The following PCDH15 variants were observed in gnomAD, a reference collection of about 807,000 sequenced individuals.
PCDH15 encodes the protein protocadherin related 15, also known as protocadherin-15.
A neutral mutation model predicts 178.5 loss-of-function variants in PCDH15; 129 were observed. The observed-to-expected ratio is 0.72, with a 90% CI of 0.63 to 0.84. The LOEUF (loss-of-function observed/expected upper bound fraction) is 0.84, where lower values mean the gene tolerates loss of function less well. Ranked by LOEUF, PCDH15 falls within the 40% of genes least tolerant of loss-of-function variation. PCDH15 has a pLI of 0.00. For synonymous variants in PCDH15, 800 were observed against 732.0 expected (o/e 1.09, Z -1.50); for missense variants, 2,230 against 2,099.9 (o/e 1.06, Z -1.21).
At chr10:55,250,497 G>A (rs1592020821) in intron 1 of PCDH15, among the ~76,000 whole-genome samples, 1 of 140,490 alleles carries the variant, frequency 7.1e-6, no homozygotes, top group Non-Finnish European at 1.6e-5. Context: ...AAAAAAACTA[G>A]TCAATACCAA....
At chr10:53,863,520 CTT>C (rs1461737369) in intron 27 of PCDH15, among the ~76,000 whole-genome samples, 4 of 151,960 alleles carry the variant, frequency 2.6e-5, no homozygotes, top group Admixed American at 1.3e-4. Context: ...AGAAAACACT[CTT>C]ATGATTAGAG....
At chr10:55,071,994 A>T (rs1841759132) in intron 2 of PCDH15, among the ~76,000 whole-genome samples, 1 of 150,860 alleles carries the variant, frequency 6.6e-6, no homozygotes, top group East Asian at 1.9e-4. Context: ...CTCCTGAATG[A>T]CTACTGGGTA....
intron 14 of PCDH15, among the ~76,000 whole-genome samples, chr10:54,146,861 T>TA (rs920344695): frequency 2.7e-5 from 4 of 146,382 alleles, no homozygotes; most frequent in African/African-American, 7.5e-5. Context: ...GGTCGATCTG[T>TA]AAAAAAAATC....
chr10:54,045,234 G>A (rs184941298), intron 18 of PCDH15, among the ~76,000 whole-genome samples: 231 of 152,126 alleles, frequency 1.5e-3, no homozygotes, highest in African/African-American at 5.4e-3. Context: ...TAACCCATTT[G>A]GGAAAGGCAT....
At chr10:54,523,485 A>G (rs1158557019) in intron 3 of PCDH15, among the ~76,000 whole-genome samples, 1 of 152,278 alleles carries the variant, frequency 6.6e-6, no homozygotes, top group African/African-American at 2.4e-5. Context: ...TTTAGTATAT[A>G]TGTCAAATTT....
chr10:55,602,547 A>G (rs183342153), intron 2 of PCDH15, among the ~76,000 whole-genome samples: 5,158 of 152,168 alleles, frequency 0.034, 384 homozygotes, highest in East Asian at 0.31. Flanking sequence ...ATCTGAGAAC[A>G]GGCAGACTGC....
chr10:54,087,984 G>T (rs1345201099), intron 16 of PCDH15, among the ~76,000 whole-genome samples: 3 of 152,122 alleles, frequency 2.0e-5, no homozygotes, highest in African/African-American at 7.2e-5. Context: ...TTTGCCTTCA[G>T]TCATGACTTT....
chr10:55,158,050 A>C (rs1838942959), intron 2 of PCDH15, among the ~76,000 whole-genome samples: 1 of 140,684 alleles, frequency 7.1e-6, no homozygotes, highest in African/African-American at 2.6e-5. Flanking sequence ...TTAGATTCAA[A>C]ATCACACAAA....
intron 15 of PCDH15, among the ~76,000 whole-genome samples, chr10:54,128,054 G>C (rs2042125123): frequency 6.6e-6 from 1 of 152,262 alleles, no homozygotes; most frequent in African/African-American, 2.4e-5. Context: ...CTGGGATAGA[G>C]AGGATGAAGA....
intron 2 of PCDH15, among the ~76,000 whole-genome samples, chr10:54,654,344 A>G (rs1023745899): frequency 1.3e-5 from 2 of 151,950 alleles, no homozygotes; most frequent in African/African-American, 4.8e-5. Flanking sequence ...AAAATCAGAC[A>G]AAAGTAAAAA....
At chr10:55,137,708 A>G (rs1838236108) in intron 2 of PCDH15, among the ~76,000 whole-genome samples, 1 of 152,216 alleles carries the variant, frequency 6.6e-6, no homozygotes, top group East Asian at 1.9e-4. Context: ...AATAGCAAGT[A>G]TATACCCCTC....
intron 2 of PCDH15, among the ~76,000 whole-genome samples, chr10:55,039,360 T>A (rs1840812709): frequency 6.6e-6 from 1 of 152,030 alleles, no homozygotes; most frequent in Non-Finnish European, 1.5e-5. Context: ...AAAAAATGAA[T>A]CTTAAAATGA....
At chr10:54,304,016 T>C (rs981373787) in intron 8 of PCDH15, among the ~76,000 whole-genome samples, 3 of 150,366 alleles carry the variant, frequency 2.0e-5, no homozygotes, top group Non-Finnish European at 4.4e-5. Flanking sequence ...TGTCTGCCCA[T>C]GTTTTAGCGA....
At chr10:55,131,613 C>G (rs1387275255) in intron 2 of PCDH15, among the ~76,000 whole-genome samples, 1 of 152,102 alleles carries the variant, frequency 6.6e-6, no homozygotes, top group African/African-American at 2.4e-5. Context: ...TATTGAGTGT[C>G]ATTACAGCTC....
chr10:54,623,749 G>T (rs1210028021), intron 2 of PCDH15, among the ~76,000 whole-genome samples: 1 of 151,904 alleles, frequency 6.6e-6, no homozygotes, highest in Non-Finnish European at 1.5e-5. Flanking sequence ...TAAGATATTT[G>T]GTTTCCAAAC....
At position 54,053,165 on chromosome 10, in the gene PCDH15, C is replaced by T. The variant is rs531532410; in HGVS notation, c.2220+13592G>A. ...GAAATTCTAAAAGTGGACATATATC[C>T]AATATCAAAGCTTTTTATTTATTTG... On this transcript the variant is annotated intron_variant, in intron 18 of 37. Coordinates refer to ENST00000644397, the MANE Select transcript of PCDH15 (RefSeq NM_001384140.1). Among the ~76,000 whole-genome samples the T allele has an allele frequency of 5.3e-5, 8 of 152,104 alleles. No homozygotes were observed. In the South Asian group the frequency reaches 1.7e-3, roughly 32 times the overall value.
chr10:55,550,230 A>G (rs188534029), intron 2 of PCDH15, among the ~76,000 whole-genome samples: 1 of 152,190 alleles, frequency 6.6e-6, no homozygotes, highest in Admixed American at 6.6e-5. Context: ...TTATATTTCT[A>G]TCCTTTATTC....
intron 2 of PCDH15, among the ~76,000 whole-genome samples, chr10:55,590,991 A>G (rs1317706730): frequency 6.6e-6 from 1 of 152,082 alleles, no homozygotes; most frequent in Non-Finnish European, 1.5e-5. Flanking sequence ...ATATAATCTA[A>G]CCCAATTATC....
intron 1 of PCDH15, among the ~76,000 whole-genome samples, chr10:55,212,736 T>C (rs1840602094): frequency 6.6e-6 from 1 of 152,072 alleles, no homozygotes; most frequent in Admixed American, 6.5e-5. Context: ...AGCATAAGCC[T>C]GAAGTTCTTC....
Sources: allele counts gnomAD v4.1 joint callset (sites outside exome capture counted in the v4.1 genomes callset), GRCh38; gene constraint gnomAD v4.1.1; transcripts MANE v1.5; gene names NCBI Gene and HGNC (gene_info 2026-07-23, HGNC 2026-07-21).